Variants in A4GALT observed in about 807,000 individuals in gnomAD.
The protein encoded by A4GALT is lactosylceramide 4-alpha-galactosyltransferase.
For synonymous variants in A4GALT, 257 were observed against 220.7 expected (o/e 1.16, Z -1.46); for missense variants, 512 against 486.0 (o/e 1.05, Z -0.50).
chr22:42,710,549 T>C (rs1921588907), intron 1 of A4GALT, among the ~76,000 whole-genome samples: 1 of 151,418 alleles, frequency 6.6e-6, no homozygotes, highest in South Asian at 2.1e-4. Context: ...TTACAAAAAT[T>C]AGTGGAGCAT....
chr22:42,715,367 G>T (rs756269931), intron 1 of A4GALT, among the ~76,000 whole-genome samples: 1 of 152,040 alleles, frequency 6.6e-6, no homozygotes, highest in Admixed American at 6.6e-5. Context: ...ACATCTTTGA[G>T]CATGTCCTTA....
intron 1 of A4GALT, among the ~76,000 whole-genome samples, chr22:42,698,241 C>T (rs1327844015): frequency 2.3e-4 from 16 of 68,510 alleles, no homozygotes; most frequent in African/African-American, 8.6e-4. Context: ...AGCGAGACTC[C>T]GTCTCAAAAA....
At chr22:42,714,306 A>AAAAAC (rs1569067753) in intron 1 of A4GALT, among the ~76,000 whole-genome samples, 13 of 145,544 alleles carry the variant, frequency 8.9e-5, no homozygotes, top group African/African-American at 3.5e-4. Flanking sequence ...AAAAAAAAAA[A>AAAAAC]GGCAGGAATG....
chr22:42,715,979 T>A (rs1922142380), intron 1 of A4GALT, among the ~76,000 whole-genome samples: 2 of 152,076 alleles, frequency 1.3e-5, no homozygotes, highest in Admixed American at 6.6e-5. Flanking sequence ...ATTACAGGAA[T>A]GCACCAGCAC....
At chr22:42,717,343 T>C (rs1274564261) in intron 1 of A4GALT, among the ~76,000 whole-genome samples, 1 of 152,104 alleles carries the variant, frequency 6.6e-6, no homozygotes, top group Non-Finnish European at 1.5e-5. Flanking sequence ...AACTAGGCTC[T>C]CTCCTCCCTG....
intron 1 of A4GALT, among the ~76,000 whole-genome samples, chr22:42,696,223 A>C (rs1205645440): frequency 1.3e-5 from 2 of 151,202 alleles, no homozygotes; most frequent in African/African-American, 2.4e-5. Flanking sequence ...GAATTCGAGA[A>C]CAGCCTGACC....
chr22:42,716,024 G>T (rs1179291215), intron 1 of A4GALT, among the ~76,000 whole-genome samples: 1 of 151,904 alleles, frequency 6.6e-6, no homozygotes. Context: ...TAGAGATAGG[G>T]TTTCTCCATG....
At chr22:42,706,307 A>C (rs1921114883) in intron 1 of A4GALT, among the ~76,000 whole-genome samples, 1 of 144,012 alleles carries the variant, frequency 6.9e-6, no homozygotes. Context: ...GTGAGCTGAG[A>C]TCACACCACT....
intron 1 of A4GALT, among the ~76,000 whole-genome samples, chr22:42,704,309 C>T (rs1920955310): frequency 3.3e-5 from 5 of 151,752 alleles, no homozygotes; most frequent in African/African-American, 1.2e-4. Flanking sequence ...GGTGAAACCC[C>T]ATCTCTACTA....
At chr22:42,701,390 G>A (rs1252810922) in intron 1 of A4GALT, among the ~76,000 whole-genome samples, 1 of 152,168 alleles carries the variant, frequency 6.6e-6, no homozygotes, top group East Asian at 1.9e-4. Context: ...GTGGACCCCT[G>A]GCCAGGGTGA....
At chr22:42,699,212 T>C (rs1931140103) in intron 1 of A4GALT, among the ~76,000 whole-genome samples, 1 of 152,080 alleles carries the variant, frequency 6.6e-6, no homozygotes, top group Non-Finnish European at 1.5e-5. Context: ...GCCTCCTGAG[T>C]AGCTGGGATT....
At chr22:42,708,651 C>T (rs1309626685) in intron 1 of A4GALT, among the ~76,000 whole-genome samples, 2 of 152,042 alleles carry the variant, frequency 1.3e-5, no homozygotes, top group Admixed American at 1.3e-4. Context: ...AAAAAGCTGG[C>T]TTGTTGGAAA....
At chr22:42,703,206 C>T (rs1467118431) in intron 1 of A4GALT, among the ~76,000 whole-genome samples, 3 of 150,568 alleles carry the variant, frequency 2.0e-5, no homozygotes, top group African/African-American at 7.4e-5. Flanking sequence ...GGCTCAACCA[C>T]ATGTATTAAA....
At chr22:42,708,545 A>AGAAGGAAGGAAAGGAAG (rs1921366884) in intron 1 of A4GALT, among the ~76,000 whole-genome samples, 1 of 116,498 alleles carries the variant, frequency 8.6e-6, no homozygotes. Context: ...GAGGAAAGAG[A>AGAAGGAAGGAAAGGAAG]GAAGGAAGGA....
At chr22:42,709,067 A>ATATATATATATTTTTTTTTT (rs1180529043) in intron 1 of A4GALT, among the ~76,000 whole-genome samples, 109 of 128,784 alleles carry the variant, frequency 8.5e-4, no homozygotes, top group Middle Eastern at 4.2e-3. Context: ...ATATATATAT[A>ATATATATATATTTTTTTTTT]TTTTTTTTAA....
At chr22:42,698,523 C>A (rs1482167890) in intron 1 of A4GALT, among the ~76,000 whole-genome samples, 6 of 152,220 alleles carry the variant, frequency 3.9e-5, no homozygotes, top group Non-Finnish European at 8.8e-5. Context: ...CCAACCATGA[C>A]CCAACAAAAC....
intron 1 of A4GALT, among the ~76,000 whole-genome samples, chr22:42,700,134 T>C (rs1192762483): frequency 2.6e-5 from 4 of 152,158 alleles, no homozygotes; most frequent in Admixed American, 2.6e-4. Context: ...GGCTCAATGG[T>C]GGGACCAGAT....
chr22:42,698,521 G>A (rs1384433747), intron 1 of A4GALT, among the ~76,000 whole-genome samples: 1 of 152,226 alleles, frequency 6.6e-6, no homozygotes, highest in Non-Finnish European at 1.5e-5. Context: ...GGCCAACCAT[G>A]ACCCAACAAA....
chr22:42,714,861 A>G (rs1249009230), intron 1 of A4GALT, among the ~76,000 whole-genome samples: 1 of 152,156 alleles, frequency 6.6e-6, no homozygotes, highest in African/African-American at 2.4e-5. Flanking sequence ...AGGGGCTACT[A>G]CATACAGTTG....
Sources: gnomAD v4.1 joint callset for allele counts (sites outside exome capture counted in the v4.1 genomes callset) on GRCh38, gnomAD v4.1.1 for gene constraint, MANE v1.5 for transcripts, NCBI Gene and HGNC (gene_info 2026-07-23, HGNC 2026-07-21) for gene names.